EYA2: variants seen among roughly 807,000 people sequenced by gnomAD.
EYA2 encodes the protein protein phosphatase EYA2.
EYA2 carries 31 observed loss-of-function variants against 69.2 expected under a neutral mutation model. That is an observed-to-expected ratio of 0.45 (90% confidence interval 0.34 to 0.60). The LOEUF (loss-of-function observed/expected upper bound fraction) is 0.60. Among genes scored for constraint, EYA2 ranks in the 20% least tolerant of loss-of-function variants. The probability of loss-of-function intolerance (pLI) is 0.02; values close to 1 mark genes in which losing one functional copy is unlikely to be tolerated. For synonymous variants in EYA2, 257 were observed against 279.4 expected, an observed-to-expected ratio of 0.92 and a Z score of 0.80; for missense variants, 622 against 701.2, an observed-to-expected ratio of 0.89 and a Z score of 1.28.
At chr20:47,097,247 C>T (rs947165808) in intron 9 of EYA2, 79 bp downstream of exon 9, 21 of 1,188,108 alleles carry the variant, frequency 1.8e-5, no homozygotes, top group African/African-American at 1.5e-4. Context: ...GGAAATTGTG[C>T]GGACAGTTTA....
At chr20:46,962,691 G>A (rs550902149) in intron 1 of EYA2, among the ~76,000 whole-genome samples, 1 of 152,154 alleles carries the variant, frequency 6.6e-6, no homozygotes, top group African/African-American at 2.4e-5. Context: ...TTTCCTCTGG[G>A]CTCCTCATTG....
chr20:47,172,959 A>G, intron 12 of EYA2, 92 bp downstream of exon 12: 1 of 1,441,270 alleles, frequency 6.9e-7, no homozygotes, highest in Non-Finnish European at 9.4e-7. Context: ...CCAGGCAGAG[A>G]GGTTCACAAG....
intron 7 of EYA2, among the ~76,000 whole-genome samples, chr20:47,084,834 C>CTTTTT (rs34290555): frequency 1.8e-5 from 2 of 112,454 alleles, no homozygotes; most frequent in African/African-American, 6.2e-5. Context: ...CTGTTTCTTT[C>CTTTTT]TTTTTTTTTT....
chr20:47,144,260 G>A (rs376621101), intron 10 of EYA2, among the ~76,000 whole-genome samples: 2 of 151,938 alleles, frequency 1.3e-5, no homozygotes, highest in Non-Finnish European at 2.9e-5. Flanking sequence ...GGAGGCTGAG[G>A]CAGGAGAGTA....
At chr20:47,156,472 G>A (rs2146624378) in intron 10 of EYA2, among the ~76,000 whole-genome samples, 1 of 151,944 alleles carries the variant, frequency 6.6e-6, no homozygotes, top group South Asian at 2.1e-4. Context: ...TCAAGATGCA[G>A]CCAGGGCTTT....
intron 6 of EYA2, 85 bp from the exon 7 acceptor site, chr20:47,074,073 T>G: frequency 7.7e-7 from 1 of 1,297,204 alleles, no homozygotes; most frequent in Non-Finnish European, 1.0e-6. Context: ...ATTCTAATGG[T>G]GAGACAGAGT....
intron 1 of EYA2, among the ~76,000 whole-genome samples, chr20:46,964,922 C>T (rs996145395): frequency 2.0e-5 from 3 of 152,110 alleles, no homozygotes; most frequent in African/African-American, 4.8e-5. Flanking sequence ...TAGTAAGGGA[C>T]GGTCAGTGAG....
chr20:47,170,207 C>T lies in EYA2; in HGVS notation c.1037+1010C>T, dbSNP rs753876228. On this transcript the variant is annotated intron_variant, in intron 11 of 15. Transcript: ENST00000327619. ...ACAGGCGTGAGCCACCGCACCCGAC[C>T]AGCATGCATATATTTTTAATATAAC... Among the ~76,000 whole-genome samples, 2 of 152,008 alleles carry T rather than the reference C, an allele frequency of 1.3e-5. 1 individual carries two copies. Among genetic ancestry groups the T allele is most frequent in the South Asian group, 4.2e-4 (2 of 4,804 alleles).
chr20:47,033,511 A>G (rs528008048), intron 5 of EYA2, among the ~76,000 whole-genome samples: 54 of 152,354 alleles, frequency 3.5e-4, no homozygotes, highest in Non-Finnish European at 6.0e-4. Flanking sequence ...AAGTCAATCC[A>G]TCCCGGGGCC....
chr20:47,036,907 G>T (rs1984750213), intron 5 of EYA2, among the ~76,000 whole-genome samples: 1 of 152,206 alleles, frequency 6.6e-6, no homozygotes, highest in African/African-American at 2.4e-5. Flanking sequence ...ACATTGGTAA[G>T]ATACAAATGA....
At chr20:47,108,803 C>G (rs367893728) in intron 9 of EYA2, among the ~76,000 whole-genome samples, 6 of 152,158 alleles carry the variant, frequency 3.9e-5, no homozygotes, top group East Asian at 1.9e-4. Flanking sequence ...GATCCTCCCC[C>G]CTCAGCTTTC....
intron 5 of EYA2, among the ~76,000 whole-genome samples, chr20:47,067,067 C>A (rs2031138359): frequency 1.3e-5 from 2 of 152,136 alleles, no homozygotes; most frequent in African/African-American, 4.8e-5. Flanking sequence ...GTTCAGCTGT[C>A]CATTCTTCAG....
At chr20:47,043,464 G>A (rs948836448) in intron 5 of EYA2, among the ~76,000 whole-genome samples, 2 of 152,164 alleles carry the variant, frequency 1.3e-5, no homozygotes, top group Non-Finnish European at 2.9e-5. Flanking sequence ...CTCCCTGGCT[G>A]CCCGTGGTCA....
chr20:46,972,404 A>T (rs1413374974), intron 1 of EYA2, among the ~76,000 whole-genome samples: 1 of 152,244 alleles, frequency 6.6e-6, no homozygotes, highest in Non-Finnish European at 1.5e-5. Flanking sequence ...ATTAGGAAAC[A>T]TGGAATGTGG....
At chr20:46,998,385 A>T (rs765925315) in intron 2 of EYA2, 3 of 152,314 alleles carry the variant, frequency 2.0e-5, no homozygotes, top group Non-Finnish European at 2.9e-5. Context: ...ATTGCCCACA[A>T]CCACCAGTTG....
chr20:46,990,088 C>T lies in EYA2; in HGVS notation c.78C>T (p.Asp26=), dbSNP rs141069620. Residue 26 remains aspartate (D), a synonymous_variant, in exon 2 of 16, where the codon GAC becomes GAT. Transcript: ENST00000327619. ...CLDKLKFNRA[D]AAVWTLSDRQ... is the part of the protein sequence containing the mutation. ...ATAAACTGAAGTTTAACCGTGCTGA[C>T]GCTGCTGTGTGGACTCTGAGTGACA... The T allele has an allele frequency of 3.5e-5, 56 of 1,611,918 alleles. No individual in the cohort carries two copies. The highest frequency in any genetic ancestry group is 3.1e-4 in the South Asian group (28 of 91,010).
At chr20:46,917,448 C>A (rs1285922130) in intron 1 of EYA2, among the ~76,000 whole-genome samples, 1 of 152,220 alleles carries the variant, frequency 6.6e-6, no homozygotes, top group Non-Finnish European at 1.5e-5. Context: ...GCTGCACAAA[C>A]CTTTTTGCCA....
At chr20:46,934,467 T>C (rs139960053) in intron 1 of EYA2, among the ~76,000 whole-genome samples, 1 of 152,158 alleles carries the variant, frequency 6.6e-6, no homozygotes, top group Admixed American at 6.5e-5. Flanking sequence ...ATTCAAGGAT[T>C]GACTCAAACT....
rs1984874395 is a variant in EYA2 at position 46,915,742 on chromosome 20, A to G, written c.-11+20755A>G. Among the ~76,000 whole-genome samples, 2 of 152,192 alleles carry G rather than the reference A, an allele frequency of 1.3e-5. 1 individual carries two copies. The highest frequency in any genetic ancestry group is 4.1e-4 in the South Asian group (2 of 4,828). On this transcript the variant is annotated intron_variant, in intron 1 of 15. Transcript: ENST00000327619. ...TCTGGGGCCATTGGGAGATCTGCCA[A>G]ATGAGCTGTGCATTCCTGCATGGTG...
Sources: allele counts gnomAD v4.1 joint callset (sites outside exome capture counted in the v4.1 genomes callset), GRCh38; gene constraint gnomAD v4.1.1; transcripts MANE v1.5; gene names NCBI Gene and HGNC (gene_info 2026-07-23, HGNC 2026-07-21).